Variants in LRRC47 observed in about 807,000 individuals in gnomAD.
LRRC47 encodes leucine rich repeat containing 47.
In LRRC47, 31 loss-of-function variants were observed where a neutral mutation model predicts 40.9. That is an observed-to-expected ratio of 0.76 (90% CI 0.57 to 1.02). The LOEUF (loss-of-function observed/expected upper bound fraction) is 1.02, where lower values mean the gene tolerates loss of function less well. Ranked by LOEUF, LRRC47 falls within the 50% of genes least tolerant of loss-of-function variation. LRRC47 has a pLI of 0.00. For missense variants in LRRC47, 726 were observed against 796.1 expected, an observed-to-expected ratio of 0.91 and a Z score of 1.06; for synonymous variants, 427 against 371.9, an observed-to-expected ratio of 1.15 and a Z score of -1.70.
At chr1:3,783,826 G>A (rs1263186461) in intron 4 of LRRC47, 170 bp downstream of exon 4, 15 of 609,010 alleles carry the variant, frequency 2.5e-5, no homozygotes, top group Non-Finnish European at 5.8e-6. Context: ...ATGACAGACT[G>A]GTTCCACAAC....
In LRRC47 at chr1:3,796,285, G is replaced by A. The variant is rs1458866244; in HGVS notation, c.192C>T (p.Arg64=). 6.8e-6 allele frequency: 10 copies of A among 1,480,600 alleles called. No individual in the cohort carries two copies. The South Asian group carries it at 7.7e-5, about 11-fold the overall frequency. 91.7% of individuals were successfully genotyped at this position (1,480,600 alleles called of 1,614,324 possible). A position where few individuals can be genotyped will look rare whatever the true frequency, so the allele number is the denominator to read the frequency against. Residue 64 remains arginine (R), a synonymous_variant, in exon 1 of 7, where the codon CGC becomes CGT. Transcript: ENST00000378251. ...YLEVSGCGSL[R]APGPGLAQGL... ...CCTGCGCCAGGCCAGGCCCCGGCGC[G>A]CGCAAGCTCCCGCAGCCGCTCACTT...
intron 3 of LRRC47, among the ~76,000 whole-genome samples, chr1:3,784,506 C>T (rs757562120): frequency 2.0e-5 from 3 of 152,334 alleles, no homozygotes; most frequent in Admixed American, 6.5e-5. Context: ...GCCAACCCCA[C>T]GCAAACGGTT....
rs113603384 is a variant in LRRC47 at position 3,787,932 on chromosome 1, T to G, written c.616-622A>C. 4.5e-4 allele frequency among the ~76,000 whole-genome samples: 69 copies of G among 152,214 alleles called. 1 individual carries two copies. The highest frequency in any genetic ancestry group is 1.5e-3 in the African/African-American group (64 of 41,558). ...CAGCCTTCGTCTGACCCAGGACAGG[T>G]GCATCGGGCCCACCACCGTGTGCCA... is the stretch of plus-strand genomic sequence containing the variant. On this transcript the variant is annotated intron_variant, in intron 1 of 6. Transcript: ENST00000378251.
intron 1 of LRRC47, among the ~76,000 whole-genome samples, chr1:3,789,079 G>C (rs961782171): frequency 2.6e-5 from 4 of 152,238 alleles, no homozygotes; most frequent in African/African-American, 9.6e-5. Flanking sequence ...CACATGGGAC[G>C]AGAGCCAATC....
intron 1 of LRRC47, among the ~76,000 whole-genome samples, chr1:3,791,072 A>G (rs2124614022): frequency 6.6e-6 from 1 of 152,038 alleles, no homozygotes; most frequent in East Asian, 1.9e-4. Flanking sequence ...GCCCTGTGAA[A>G]GAAGGGGAGG....
chr1:3,793,749 G>C (rs1557644788), intron 1 of LRRC47, among the ~76,000 whole-genome samples: 2 of 152,064 alleles, frequency 1.3e-5, no homozygotes, highest in African/African-American at 4.8e-5. Context: ...CGCAGCCCCA[G>C]CCAGAAGTGA....
In LRRC47 at chr1:3,787,151, G is replaced by A. The variant is rs201066188; in HGVS notation, c.775C>T (p.Arg259Cys). Residue 259 changes from arginine (R) to cysteine (C), a missense_variant, in exon 2 of 7, where the codon CGC becomes TGC. Transcript: ENST00000378251. Reference sequence around the variant, plus strand: ...TTCCCGCCACCACGGCCTCCGACGCGCAGGTACTCCAGGATGGATCTGGTC... The same window carrying A: ...TTCCCGCCACCACGGCCTCCGACGCACAGGTACTCCAGGATGGATCTGGTC... The part of the protein sequence containing the change: ...CQTRSILEYL[R>C]VGGRGGGKGK... 59 of 1,613,634 alleles carry A rather than the reference G, an allele frequency of 3.7e-5. No homozygotes were observed. The highest frequency in any genetic ancestry group is 4.0e-5 in the Non-Finnish European group (47 of 1,180,042).
intron 1 of LRRC47, among the ~76,000 whole-genome samples, chr1:3,794,068 G>A (rs1176582196): frequency 3.3e-5 from 5 of 152,050 alleles, no homozygotes; most frequent in Non-Finnish European, 5.9e-5. Context: ...TGTGGCGGGC[G>A]CTTGTAGTCC....
At chr1:3,782,586 C>A (rs1012790799) in intron 5 of LRRC47, 75 bp downstream of exon 5, 14 of 901,426 alleles carry the variant, frequency 1.6e-5, no homozygotes, top group Non-Finnish European at 2.6e-5. Context: ...TGAGCCACCA[C>A]GCCCCGCAGA....
rs1643585288 is a variant in LRRC47, at chr1:3,787,307, A to G, written c.619T>C (p.Leu207=). 1 of 1,608,716 alleles carries G rather than the reference A, an allele frequency of 6.2e-7. No homozygotes were observed. Among genetic ancestry groups the G allele is most frequent in the East Asian group, 2.2e-5 (1 of 44,860 alleles). Residue 207 remains leucine, a synonymous_variant, in exon 2 of 7, where the codon TTG becomes CTG. Coordinates refer to ENST00000378251, the MANE Select transcript of LRRC47 (RefSeq NM_020710.3). ...DIAHLASLKT[L]DLSNNQLSEI... ...CTCAGCTGGTTGTTCGAGAGGTCCA[A>G]CGTCTGCAAAGAGAAACATGGACGC... is the stretch of plus-strand genomic sequence containing the variant.
In LRRC47 at chr1:3,784,060, G is replaced by T; in HGVS notation, c.1246C>A (p.Leu416Met). ...EAKAKELVRQ[L>M]QLEAEEQRKQ... ...CTCTGCTCCTCGGCCTCCAGCTGCA[G>T]CTGCCGCACCAGCTCCTTGGCCTTG... Residue 416 changes from leucine to methionine, a missense_variant, in exon 4 of 7, where the codon CTG becomes ATG. By Grantham distance (15) the Leu-to-Met change is conservative. Coordinates refer to ENST00000378251, the MANE Select transcript of LRRC47 (RefSeq NM_020710.3). 6.2e-7 allele frequency: 1 copy of T among 1,612,510 alleles called. No homozygotes were observed. Among genetic ancestry groups the T allele is most frequent in the East Asian group, 2.2e-5 (1 of 44,858 alleles).
intron 1 of LRRC47, among the ~76,000 whole-genome samples, chr1:3,789,731 A>T (rs1316070531): frequency 6.6e-6 from 1 of 152,202 alleles, no homozygotes; most frequent in Non-Finnish European, 1.5e-5. Context: ...AGGGCAAGAG[A>T]GTCACCATCT....
In LRRC47 at chr1:3,796,448, C is replaced by T. The variant is rs1488174549; in HGVS notation, c.29G>A (p.Trp10Ter). The part of the protein sequence containing the change: MAAAAVSES[W>*]PELELAERER... ...GCGCTCAGCCAGCTCCAGCTCCGGC[C>T]AAGACTCTGACACCGCTGCCGCCGC... The change falls in exon 1 of 7, where the codon TGG becomes TAG. Residue 10 changes from tryptophan (W) to a stop codon, truncating the protein, a stop_gained. Coordinates refer to ENST00000378251, the MANE Select transcript of LRRC47 (RefSeq NM_020710.3). LOFTEE classifies it high-confidence loss of function. The T allele has an allele frequency of 6.6e-7, 1 of 1,523,540 alleles. No homozygotes were observed. The allele number at this position is 1,523,540 out of a possible 1,614,324, so 94.4% of individuals were successfully genotyped here.
At chr1:3,792,958 G>A (rs934637040) in intron 1 of LRRC47, among the ~76,000 whole-genome samples, 3 of 152,182 alleles carry the variant, frequency 2.0e-5, no homozygotes, top group Admixed American at 6.5e-5. Context: ...GTCCTAGAGG[G>A]ATGCCTACAG....
chr1:3,793,488 C>G (rs1188802391), intron 1 of LRRC47, among the ~76,000 whole-genome samples: 1 of 152,216 alleles, frequency 6.6e-6, no homozygotes, highest in East Asian at 1.9e-4. Flanking sequence ...TAAAACTCAA[C>G]TGCCTTTGTA....
intron 1 of LRRC47, among the ~76,000 whole-genome samples, chr1:3,793,680 C>G (rs1050298511): frequency 6.6e-6 from 1 of 152,156 alleles, no homozygotes; most frequent in Non-Finnish European, 1.5e-5. Context: ...TGAGCTGTGT[C>G]TTTTCAGGGT....
At position 3,780,958 on chromosome 1, in the gene LRRC47, G is replaced by A. The variant is rs937699074; in HGVS notation, c.*130C>T. 1.4e-6 allele frequency: 2 copies of A among 1,383,944 alleles called. No individual in the cohort carries two copies. Among genetic ancestry groups the A allele is most frequent in the Non-Finnish European group, 9.8e-7 (1 of 1,022,966 alleles). 85.7% of individuals were successfully genotyped at this position (1,383,944 alleles called of 1,614,324 possible). Reference sequence around the variant, plus strand: ...GCCACTGCACTCCAGCCTGGCGACAGAGCGAGACTCCATCTCAAAAAAAAA... The same window carrying A: ...GCCACTGCACTCCAGCCTGGCGACAAAGCGAGACTCCATCTCAAAAAAAAA... On this transcript the variant is annotated 3_prime_UTR_variant, in exon 7 of 7. Transcript: ENST00000378251.
intron 4 of LRRC47, 30 bp downstream of exon 4, chr1:3,783,966 C>T (rs1263124125): frequency 1.8e-5 from 29 of 1,568,330 alleles, no homozygotes; most frequent in South Asian, 2.3e-5. Context: ...CCCCCGGGCC[C>T]GGCCCCACCC....
At chr1:3,784,824 C>T (rs1000010436) in intron 3 of LRRC47, among the ~76,000 whole-genome samples, 4 of 152,156 alleles carry the variant, frequency 2.6e-5, no homozygotes, top group Admixed American at 6.5e-5. Flanking sequence ...GGAGAAACCT[C>T]GTCTCTACTA....
Sources: allele counts gnomAD v4.1 joint callset (sites outside exome capture counted in the v4.1 genomes callset), GRCh38; gene constraint gnomAD v4.1.1; transcripts MANE v1.5; gene names NCBI Gene and HGNC (gene_info 2026-07-23, HGNC 2026-07-21).